Variants in WWTR1 observed in about 807,000 individuals in gnomAD.
The protein encoded by WWTR1 is WW domain containing transcription regulator 1, also known as WW domain-containing transcription regulator protein 1.
WWTR1 carries 13 observed loss-of-function variants against 40.1 expected under a neutral mutation model. The ratio of observed to expected loss-of-function variants is 0.32; its 90% CI spans 0.21 to 0.52. WWTR1 has a LOEUF of 0.52. WWTR1 is among the 20% of genes least tolerant of loss of function. The pLI is 0.97. For synonymous variants in WWTR1, 230 were observed against 210.1 expected, an observed-to-expected ratio of 1.09 and a Z score of -0.82; for missense variants, 436 against 523.1, an observed-to-expected ratio of 0.83 and a Z score of 1.63.
chr3:149,571,687 G>A (rs1737638477), intron 3 of WWTR1, among the ~76,000 whole-genome samples: 1 of 152,340 alleles, frequency 6.6e-6, no homozygotes, highest in Non-Finnish European at 1.5e-5. Flanking sequence ...AGGGAAGGGT[G>A]TCCAGGAATA....
At position 149,533,574 on chromosome 3, in the gene WWTR1, C is replaced by G. The variant is rs944824777; in HGVS notation, c.772-5605G>C. 2.6e-5 allele frequency among the ~76,000 whole-genome samples: 4 copies of G among 152,182 alleles called. No individual in the cohort carries two copies. In the East Asian group the frequency reaches 7.7e-4, roughly 29 times the overall value. On this transcript the variant is annotated intron_variant, in intron 4 of 6. Transcript: ENST00000360632. ...CTCAATTCTCCAGGCTATTAGCCAC[C>G]GGATTTCTGAAACAGTAGTTGGGGT... is the stretch of plus-strand genomic sequence containing the variant.
intron 2 of WWTR1, among the ~76,000 whole-genome samples, chr3:149,612,116 G>A (rs1739761828): frequency 6.6e-6 from 1 of 152,126 alleles, no homozygotes; most frequent in Non-Finnish European, 1.5e-5. Context: ...TATTGGAAAG[G>A]TTACCACCTG....
chr3:149,585,924 C>T (rs966628273), intron 2 of WWTR1, among the ~76,000 whole-genome samples: 21 of 152,168 alleles, frequency 1.4e-4, no homozygotes, highest in African/African-American at 4.1e-4. Context: ...GGTTCTATGA[C>T]TTCAACTAAT....
At chr3:149,535,565 G>A (rs1407583870) in intron 4 of WWTR1, among the ~76,000 whole-genome samples, 3 of 152,140 alleles carry the variant, frequency 2.0e-5, no homozygotes, top group South Asian at 4.1e-4. Flanking sequence ...TACTAAGTTT[G>A]TCATTATTAT....
chr3:149,539,105 G>T (rs1735965210), intron 4 of WWTR1, among the ~76,000 whole-genome samples: 1 of 152,066 alleles, frequency 6.6e-6, no homozygotes, highest in Admixed American at 6.6e-5. Flanking sequence ...GTGACCCTTT[G>T]GCATTGTGGT....
At chr3:149,590,452 C>T (rs923278708) in intron 2 of WWTR1, among the ~76,000 whole-genome samples, 6 of 152,104 alleles carry the variant, frequency 3.9e-5, no homozygotes, top group African/African-American at 7.2e-5. Context: ...GAGTTTCAGA[C>T]AAGCCTGGCC....
intron 1 of WWTR1, among the ~76,000 whole-genome samples, chr3:149,688,069 A>T (rs188907129): frequency 2.0e-4 from 30 of 151,850 alleles, no homozygotes; most frequent in African/African-American, 6.8e-4. Context: ...GGAAGAATAA[A>T]AAGGTCATTT....
rs1443285104 is a variant in WWTR1 at position 149,542,456 on chromosome 3, C to T, written c.650G>A (p.Gly217Glu). ...QNHPTQNPPAGLMSMPNALTT... is the reference protein window; with the variant it reads ...QNHPTQNPPAELMSMPNALTT... The stretch of plus-strand genomic sequence containing the variant: ...CAGCGCATTGGGCATACTCATGAGC[C>T]CTGCGGGTGGGTTCTGAGTGGGGTG... The change falls in exon 4 of 7, where the codon GGG (glycine) becomes GAG (glutamate). Residue 217 changes from glycine (G) to glutamate (E), a missense_variant. Gly to Glu is a moderately conservative substitution (Grantham distance 98, BLOSUM62 -2). Coordinates refer to ENST00000360632, the MANE Select transcript of WWTR1 (RefSeq NM_015472.6). The T allele has an allele frequency of 3.1e-6, 5 of 1,614,014 alleles. No homozygotes were observed. The highest frequency in any genetic ancestry group is 2.2e-5 in the East Asian group (1 of 44,876).
chr3:149,573,119 G>T, intron 2 of WWTR1, 119 bp from the exon 3 acceptor site: 2 of 1,123,640 alleles, frequency 1.8e-6, no homozygotes, highest in Non-Finnish European at 2.5e-6. Flanking sequence ...TTGAGTGGTT[G>T]ATAGATTGTG....
chr3:149,681,592 C>T (rs1434179456), intron 1 of WWTR1, among the ~76,000 whole-genome samples: 1 of 152,154 alleles, frequency 6.6e-6, no homozygotes, highest in Non-Finnish European at 1.5e-5. Flanking sequence ...ATAGAATTGA[C>T]ATCAGGATCT....
chr3:149,607,944 A>G (rs907276508), intron 2 of WWTR1, among the ~76,000 whole-genome samples: 3 of 152,250 alleles, frequency 2.0e-5, no homozygotes, highest in African/African-American at 7.2e-5. Context: ...TAGCATCTTC[A>G]ACAGGAGATT....
At chr3:149,701,769 G>A (rs1368054496) in intron 1 of WWTR1, 1 of 174,052 alleles carries the variant, frequency 5.7e-6, no homozygotes, top group Non-Finnish European at 1.2e-5. Context: ...GCTCTCAGAT[G>A]TTTGGGGGGA....
At chr3:149,563,026 CCTTTCACCCTT>C (rs1339842856) in intron 3 of WWTR1, among the ~76,000 whole-genome samples, 2 of 152,102 alleles carry the variant, frequency 1.3e-5, no homozygotes, top group Non-Finnish European at 2.9e-5. Context: ...CCACTGCCTG[CCTTTCACCCTT>C]AACTGGGTGA....
intron 4 of WWTR1, among the ~76,000 whole-genome samples, chr3:149,536,886 C>T (rs1274374370): frequency 2.6e-5 from 4 of 152,148 alleles, no homozygotes; most frequent in East Asian, 3.8e-4. Context: ...GCCACTTACT[C>T]GTCTTCCAGG....
intron 2 of WWTR1, among the ~76,000 whole-genome samples, chr3:149,626,488 T>C (rs1428786761): frequency 6.6e-6 from 1 of 151,240 alleles, no homozygotes; most frequent in African/African-American, 2.4e-5. Context: ...TGCATTCAAG[T>C]ATATACATAT....
At chr3:149,611,544 T>C (rs148400136) in intron 2 of WWTR1, among the ~76,000 whole-genome samples, 27 of 152,310 alleles carry the variant, frequency 1.8e-4, no homozygotes, top group African/African-American at 6.5e-4. Flanking sequence ...GAAGACTATA[T>C]GAAAGAACTG....
chr3:149,602,870 G>C (rs1288512903), intron 2 of WWTR1, among the ~76,000 whole-genome samples: 1 of 152,122 alleles, frequency 6.6e-6, no homozygotes, highest in Non-Finnish European at 1.5e-5. Flanking sequence ...ATGTTGGCCA[G>C]GCTGGTCTCG....
chr3:149,677,674 C>T (rs1368612494), intron 1 of WWTR1, among the ~76,000 whole-genome samples: 5 of 152,164 alleles, frequency 3.3e-5, no homozygotes, highest in African/African-American at 1.2e-4. Flanking sequence ...AACCCCATCT[C>T]TACTAAAAAT....
At chr3:149,689,842 TAAACTACTC>T (rs1409089535) in intron 1 of WWTR1, among the ~76,000 whole-genome samples, 1 of 152,104 alleles carries the variant, frequency 6.6e-6, no homozygotes, top group African/African-American at 2.4e-5. Flanking sequence ...TTGTGGTGTA[TAAACTACTC>T]ATATCTTGAG....
Sources: allele counts gnomAD v4.1 joint callset (sites outside exome capture counted in the v4.1 genomes callset), GRCh38; gene constraint gnomAD v4.1.1; transcripts MANE v1.5; gene names NCBI Gene and HGNC (gene_info 2026-07-23, HGNC 2026-07-21).